IKZF2: variants seen among roughly 807,000 people sequenced by gnomAD.
The protein encoded by IKZF2 is IKAROS family zinc finger 2.
A neutral mutation model predicts 49.2 loss-of-function variants in IKZF2; 15 were observed. The ratio of observed to expected loss-of-function variants is 0.30; its 90% CI spans 0.20 to 0.47. IKZF2 has a LOEUF of 0.47. Ranked by LOEUF, IKZF2 falls within the 20% of genes least tolerant of loss-of-function variation. The pLI, the probability that IKZF2 is intolerant of heterozygous loss-of-function variation, is 1.00. For missense variants in IKZF2, 567 were observed against 664.6 expected, an observed-to-expected ratio of 0.85 and a Z score of 1.61; for synonymous variants, 227 against 221.4, an observed-to-expected ratio of 1.03 and a Z score of -0.23.
intron 4 of IKZF2, among the ~76,000 whole-genome samples, chr2:213,083,393 T>G (rs1409646250): frequency 1.4e-5 from 2 of 141,590 alleles, no homozygotes; most frequent in Non-Finnish European, 3.1e-5. Flanking sequence ...CCTTTTTTTT[T>G]TTTTTTTTTT....
chr2:213,127,583 T>C (rs549056911), intron 4 of IKZF2, among the ~76,000 whole-genome samples: 1 of 152,200 alleles, frequency 6.6e-6, no homozygotes, highest in Non-Finnish European at 1.5e-5. Context: ...GCTGTAGTAG[T>C]ATAGATAACA....
At chr2:213,114,800 C>T (rs1008754424) in intron 4 of IKZF2, among the ~76,000 whole-genome samples, 5 of 151,796 alleles carry the variant, frequency 3.3e-5, no homozygotes, top group Non-Finnish European at 5.9e-5. Context: ...GGCATGGTAG[C>T]GCGCGCCTGT....
At position 213,001,754 on chromosome 2, in the gene IKZF2, A is replaced by G. The variant is rs1303508069; in HGVS notation, c.*5606T>C. 1 of 151,794 alleles carries G rather than the reference A, an allele frequency of 6.6e-6. No individual in the cohort carries two copies. The highest frequency in any genetic ancestry group is 2.4e-5 in the African/African-American group (1 of 41,364). The allele number at this position is 151,794 out of a possible 1,614,324, so 9.4% of individuals were successfully genotyped here. A position where few individuals can be genotyped will look rare whatever the true frequency, so the allele number is the denominator to read the frequency against. ...CGGACAAAGAAAGAGGCTGAGGGAG[A>G]TGTAACAAAATTTAAGAGATAACAG... is the stretch of plus-strand genomic sequence containing the variant. On this transcript the variant is annotated 3_prime_UTR_variant, in exon 9 of 9. Transcript: ENST00000434687.
At chr2:213,124,276 A>ACAC (rs1559304670) in intron 4 of IKZF2, among the ~76,000 whole-genome samples, 11 of 147,122 alleles carry the variant, frequency 7.5e-5, no homozygotes, top group African/African-American at 2.9e-4. Context: ...ACACACACAC[A>ACAC]CACACACACA....
intron 5 of IKZF2, among the ~76,000 whole-genome samples, chr2:213,050,576 C>A (rs1393889249): frequency 3.3e-5 from 5 of 152,124 alleles, no homozygotes; most frequent in Admixed American, 6.6e-5. Flanking sequence ...AATAGTAAAA[C>A]CTTTAGCAAA....
intron 4 of IKZF2, among the ~76,000 whole-genome samples, chr2:213,143,790 C>T (rs555056569): frequency 2.6e-5 from 4 of 151,910 alleles, no homozygotes; most frequent in South Asian, 4.2e-4. Context: ...TTAGAACACC[C>T]GCCTGAAAAG....
intron 4 of IKZF2, among the ~76,000 whole-genome samples, chr2:213,098,242 C>G (rs1031930620): frequency 1.1e-4 from 17 of 152,180 alleles, no homozygotes; most frequent in South Asian, 2.1e-4. Flanking sequence ...TTGAGAACCA[C>G]CATTCTACAT....
chr2:213,013,017 A>G (rs1341791795), intron 8 of IKZF2, among the ~76,000 whole-genome samples: 1 of 152,044 alleles, frequency 6.6e-6, no homozygotes, highest in Non-Finnish European at 1.5e-5. Context: ...TGCATCCAGA[A>G]TGATGCCAAC....
chr2:213,014,707 C>T (rs1031192918), intron 7 of IKZF2: 3 of 151,986 alleles, frequency 2.0e-5, no homozygotes, highest in African/African-American at 7.2e-5. Context: ...AGCCCTTAGA[C>T]ACTGACATTC....
intron 6 of IKZF2, among the ~76,000 whole-genome samples, chr2:213,035,756 A>C (rs1698960123): frequency 6.6e-6 from 1 of 152,230 alleles, no homozygotes; most frequent in Admixed American, 6.5e-5. Flanking sequence ...AATGGCCATG[A>C]TTAGTAGTTT....
At chr2:213,113,956 A>G (rs1483140075) in intron 4 of IKZF2, among the ~76,000 whole-genome samples, 1 of 152,200 alleles carries the variant, frequency 6.6e-6, no homozygotes, top group Admixed American at 6.5e-5. Context: ...CTCCCACTGC[A>G]ACTGCAATCC....
At chr2:213,091,972 T>A (rs1044661420) in intron 4 of IKZF2, among the ~76,000 whole-genome samples, 2 of 151,534 alleles carry the variant, frequency 1.3e-5, no homozygotes, top group African/African-American at 4.8e-5. Flanking sequence ...TATTTTTTGT[T>A]TATTATATTT....
At chr2:213,058,926 C>G (rs1701427105) in intron 4 of IKZF2, among the ~76,000 whole-genome samples, 1 of 151,812 alleles carries the variant, frequency 6.6e-6, no homozygotes, top group Admixed American at 6.6e-5. Context: ...TCATAATTTT[C>G]AAATTCCAAA....
chr2:213,035,355 CAG>C (rs1330944673), intron 6 of IKZF2, among the ~76,000 whole-genome samples: 2 of 152,070 alleles, frequency 1.3e-5, no homozygotes, highest in Admixed American at 1.3e-4. Flanking sequence ...TCCACAAAGA[CAG>C]TCTTGCAGTC....
At chr2:213,016,944 A>G (rs894229541) in intron 7 of IKZF2, 2 of 152,288 alleles carry the variant, frequency 1.3e-5, no homozygotes, top group East Asian at 3.9e-4. Context: ...CTAAAGGTAA[A>G]TGGGCACTCT....
chr2:213,047,346 T>A (rs1482321158), intron 6 of IKZF2, among the ~76,000 whole-genome samples: 2 of 152,026 alleles, frequency 1.3e-5, no homozygotes, highest in Admixed American at 6.6e-5. Context: ...AAAGGAGTGG[T>A]TCATGTATGG....
At chr2:213,136,675 T>A (rs962594428) in intron 4 of IKZF2, among the ~76,000 whole-genome samples, 7 of 152,264 alleles carry the variant, frequency 4.6e-5, no homozygotes, top group African/African-American at 1.7e-4. Flanking sequence ...GGTCTTTTCT[T>A]TAAATTACAC....
intron 4 of IKZF2, among the ~76,000 whole-genome samples, chr2:213,100,316 AGCCTACAGACT>A (rs892763031): frequency 6.6e-6 from 1 of 152,080 alleles, no homozygotes; most frequent in African/African-American, 2.4e-5. Context: ...AATGCTTTCC[AGCCTACAGACT>A]GCATATTAAG....
chr2:213,008,142 G>C, intron 8 of IKZF2, 58 bp from the exon 9 acceptor site: 1 of 1,476,500 alleles, frequency 6.8e-7, no homozygotes, highest in Non-Finnish European at 9.0e-7. Context: ...AACAACATTA[G>C]TATCAGATTA....
Sources: gnomAD v4.1 joint callset for allele counts (sites outside exome capture counted in the v4.1 genomes callset) on GRCh38, gnomAD v4.1.1 for gene constraint, MANE v1.5 for transcripts, NCBI Gene and HGNC (gene_info 2026-07-23, HGNC 2026-07-21) for gene names.